The following VRTN variants were observed in gnomAD, a reference collection of about 807,000 sequenced individuals.
VRTN encodes vertnin.
Under a neutral mutation model 18.2 loss-of-function variants are expected in VRTN, and 5 were observed. The ratio of observed to expected loss-of-function variants is 0.27; its 90% confidence interval spans 0.14 to 0.58. VRTN has a LOEUF of 0.58. Ranked by LOEUF, VRTN falls within the 20% of genes least tolerant of loss-of-function variation. VRTN has a pLI of 0.91. For missense variants in VRTN, 741 were observed against 939.4 expected, an observed-to-expected ratio of 0.79 and a Z score of 2.76; for synonymous variants, 381 against 393.7, an observed-to-expected ratio of 0.97 and a Z score of 0.38.
chr14:74,347,984 G>A (rs749245404), upstream of VRTN, among the ~76,000 whole-genome samples: 13 of 152,220 alleles, frequency 8.5e-5, no homozygotes, highest in Non-Finnish European at 1.6e-4. Context: ...TGATGGGGCC[G>A]TGAGTAGCTC....
intron 1 of VRTN, among the ~76,000 whole-genome samples, chr14:74,320,797 AG>A (rs1455198611): frequency 6.8e-6 from 1 of 146,436 alleles, no homozygotes; most frequent in Non-Finnish European, 1.5e-5. Flanking sequence ...CATCTTGGTC[AG>A]GCAGGTCTGG....
chr14:74,305,984 A>C (rs2085345671), intron 1 of VRTN: 1 of 152,670 alleles, frequency 6.6e-6, no homozygotes, highest in African/African-American at 2.4e-5. Flanking sequence ...TATTGGATGG[A>C]TCCAGAAGGT....
upstream of VRTN, among the ~76,000 whole-genome samples, chr14:74,344,733 T>TAAAA (rs60479764): frequency 1.8e-5 from 1 of 54,090 alleles, no homozygotes; most frequent in African/African-American, 1.2e-4. Flanking sequence ...AGACTCTGAC[T>TAAAA]AAAAAAAAAA....
intron 1 of VRTN, among the ~76,000 whole-genome samples, 155 bp downstream of exon 1, chr14:74,348,807 G>C (rs2085662160): frequency 6.6e-6 from 1 of 152,110 alleles, no homozygotes; most frequent in Non-Finnish European, 1.5e-5. Context: ...GTGTGTCTGG[G>C]AGTGTATGTA....
At chr14:74,346,831 A>T (rs8022692), upstream of VRTN, among the ~76,000 whole-genome samples, 152,188 of 152,342 alleles carry the variant, frequency 1, 76,017 homozygotes, top group Middle Eastern at 1. Flanking sequence ...CTTTCTTTTT[A>T]AAAAACACTT....
At chr14:74,332,458 G>A (rs1467561710) in intron 1 of VRTN, among the ~76,000 whole-genome samples, 5 of 144,016 alleles carry the variant, frequency 3.5e-5, no homozygotes, top group African/African-American at 1.3e-4. Context: ...GGGTTCAAGC[G>A]ATTCTCCTGC....
At chr14:74,337,210 GCA>G (rs2085570790) in intron 1 of VRTN, among the ~76,000 whole-genome samples, 1 of 152,020 alleles carries the variant, frequency 6.6e-6, no homozygotes, top group Non-Finnish European at 1.5e-5. Flanking sequence ...GGGCATGGTG[GCA>G]CATGCCTGTA....
At position 74,356,635 on chromosome 14, in the gene VRTN, G is replaced by A. The variant is rs1022015161; in HGVS notation, c.-1-148G>A. On this transcript the variant is annotated intron_variant, in intron 1 of 1. Transcript: ENST00000256362. ...ACACTTTTCCTCAGTACCATTCAGTGATGAACCAATCCCGTCTGTTGTGGG... is the reference window on the plus strand; with the variant it reads ...ACACTTTTCCTCAGTACCATTCAGTAATGAACCAATCCCGTCTGTTGTGGG... The A allele has an allele frequency of 2.4e-5, 28 of 1,168,056 alleles. No individual in the cohort carries two copies. The African/African-American group carries it at 4.4e-4, about 18-fold the overall frequency. 72.4% of individuals were successfully genotyped at this position (1,168,056 alleles called of 1,614,324 possible). A position where few individuals can be genotyped will look rare whatever the true frequency, so the allele number is the denominator to read the frequency against.
chr14:74,313,370 C>CA (rs906291529), intron 1 of VRTN, among the ~76,000 whole-genome samples: 16 of 148,774 alleles, frequency 1.1e-4, no homozygotes, highest in Admixed American at 5.4e-4. Context: ...AATTCCTGAG[C>CA]AAAAAAAAAG....
intron 1 of VRTN, among the ~76,000 whole-genome samples, chr14:74,355,623 CT>C (rs1391700516): frequency 6.6e-6 from 1 of 152,180 alleles, no homozygotes. Flanking sequence ...CGGCCTCCAC[CT>C]CCCAAGTTCA....
At chr14:74,353,282 C>T (rs897212005) in intron 1 of VRTN, among the ~76,000 whole-genome samples, 3 of 151,862 alleles carry the variant, frequency 2.0e-5, no homozygotes, top group Admixed American at 1.3e-4. Context: ...GAGTGAGATT[C>T]TGTCTCAAAA....
chr14:74,319,198 T>C (rs1178018611), intron 1 of VRTN, among the ~76,000 whole-genome samples: 1 of 152,026 alleles, frequency 6.6e-6, no homozygotes, highest in Non-Finnish European at 1.5e-5. Context: ...ACTGCCTGGC[T>C]AATTTTTGTA....
At chr14:74,337,204 A>C (rs1158842491) in intron 1 of VRTN, among the ~76,000 whole-genome samples, 1 of 152,162 alleles carries the variant, frequency 6.6e-6, no homozygotes, top group East Asian at 1.9e-4. Flanking sequence ...TTAGCTGGGC[A>C]TGGTGGCACA....
chr14:74,340,232 C>T (rs978992976), intron 2 of VRTN, among the ~76,000 whole-genome samples: 31 of 152,034 alleles, frequency 2.0e-4, no homozygotes, highest in Non-Finnish European at 4.1e-4. Context: ...CCTACTTCAG[C>T]CTCCCTAGTA....
At chr14:74,328,872 C>T (rs187942635) in intron 1 of VRTN, among the ~76,000 whole-genome samples, 77 of 151,380 alleles carry the variant, frequency 5.1e-4, no homozygotes, top group Non-Finnish European at 1.9e-4. Context: ...CAGTGGCTCA[C>T]GCCTGTAATC....
rs754476115 is a variant in VRTN, at chr14:74,356,850, G to C, written c.67G>C (p.Gly23Arg). The C allele has an allele frequency of 4.3e-6, 7 of 1,613,812 alleles. No homozygotes were observed. The highest frequency in any genetic ancestry group is 5.9e-6 in the Non-Finnish European group (7 of 1,179,908). ...GCTGCAGGAAGCAGTGGAGTGCGAA[G>C]GCCTGGAGGGTCTCATAGGTGCTTC... The part of the protein sequence containing the change: ...QELQEAVECE[G>R]LEGLIGASLE... Residue 23 changes from glycine (G) to arginine (R), a missense_variant, in exon 2 of 2, where the codon GGC becomes CGC. By Grantham distance (125) the Gly-to-Arg change is moderately radical. Around this residue, in one of 3 missense-constraint regions of VRTN, gnomAD observed 186 missense variants for 288.3 expected, o/e 0.65. Transcript: ENST00000256362.
intron 1 of VRTN, among the ~76,000 whole-genome samples, chr14:74,323,619 A>C (rs901056246): frequency 6.6e-6 from 1 of 151,934 alleles, no homozygotes; most frequent in Non-Finnish European, 1.5e-5. Flanking sequence ...AAACAAAAAA[A>C]ACCAGTGCAG....
chr14:74,304,541 TC>T (rs533062942), intron 1 of VRTN, among the ~76,000 whole-genome samples: 94 of 152,306 alleles, frequency 6.2e-4, no homozygotes, highest in African/African-American at 2.2e-3. Flanking sequence ...TGGGGCCTGA[TC>T]ATTCTTTGCT....
intron 1 of VRTN, among the ~76,000 whole-genome samples, chr14:74,354,536 C>T (rs1595176092): frequency 6.6e-6 from 1 of 152,016 alleles, no homozygotes; most frequent in Admixed American, 6.6e-5. Context: ...TCCTGAGTAG[C>T]TGGGACCACA....
Sources: gnomAD v4.1 joint callset for allele counts (sites outside exome capture counted in the v4.1 genomes callset) on GRCh38, gnomAD v4.1.1 for gene constraint, gnomAD v4.1.1 regional missense constraint, MANE v1.5 for transcripts, NCBI Gene and HGNC (gene_info 2026-07-23, HGNC 2026-07-21) for gene names.